The following RARS2 variants were observed in gnomAD, a reference collection of about 807,000 sequenced individuals.
RARS2 encodes the protein probable arginine--tRNA ligase, mitochondrial.
RARS2 carries 67 observed loss-of-function variants against 88.5 expected under a neutral mutation model. That is an observed-to-expected ratio of 0.76 (90% CI 0.62 to 0.93). The LOEUF is 0.93. Among genes scored for constraint, RARS2 ranks in the 40% least tolerant of loss-of-function variants. The pLI, the probability that RARS2 is intolerant of heterozygous loss-of-function variation, is 0.00. For missense variants in RARS2, 664 were observed against 684.2 expected, an observed-to-expected ratio of 0.97 and a Z score of 0.33; for synonymous variants, 239 against 230.3, an observed-to-expected ratio of 1.04 and a Z score of -0.34.
chr6:87,567,853 C>T (rs889239803), intron 2 of RARS2, among the ~76,000 whole-genome samples: 1 of 152,176 alleles, frequency 6.6e-6, no homozygotes, highest in Admixed American at 6.5e-5. Flanking sequence ...CTCACTCTAA[C>T]CTCCGCCTCC....
At chr6:87,516,005 TTAAG>T (rs994230376) in intron 18 of RARS2, 3 of 151,006 alleles carry the variant, frequency 2.0e-5, no homozygotes, top group Non-Finnish European at 4.4e-5. Flanking sequence ...TCTGTATGTC[TTAAG>T]TGTCATTTAA....
intron 1 of RARS2, among the ~76,000 whole-genome samples, chr6:87,579,408 G>T (rs1408419771): frequency 3.3e-5 from 5 of 152,136 alleles, no homozygotes; most frequent in Non-Finnish European, 5.9e-5. Flanking sequence ...TTCGGTAGTG[G>T]TTATCAAGCT....
At chr6:87,521,593 A>C in intron 11 of RARS2, 69 bp from the exon 12 acceptor site, 1 of 1,166,600 alleles carries the variant, frequency 8.6e-7, no homozygotes, top group East Asian at 2.3e-5. Flanking sequence ...TTACCTATTT[A>C]ATAGCAATGA....
intron 1 of RARS2, among the ~76,000 whole-genome samples, chr6:87,588,925 G>C (rs1776070740): frequency 6.6e-6 from 1 of 152,114 alleles, no homozygotes; most frequent in African/African-American, 2.4e-5. Context: ...CCTTATCCCA[G>C]TGAGCAATAA....
At chr6:87,566,536 A>G (rs1295022547) in intron 2 of RARS2, among the ~76,000 whole-genome samples, 1 of 152,190 alleles carries the variant, frequency 6.6e-6, no homozygotes, top group Non-Finnish European at 1.5e-5. Flanking sequence ...AAAGCAGTAG[A>G]TATCAAAATA....
At chr6:87,555,717 T>C (rs978975028) in intron 4 of RARS2, among the ~76,000 whole-genome samples, 1 of 152,232 alleles carries the variant, frequency 6.6e-6, no homozygotes, top group African/African-American at 2.4e-5. Flanking sequence ...AAGGGTTCTG[T>C]GCCCTTTTAT....
intron 8 of RARS2, among the ~76,000 whole-genome samples, chr6:87,532,490 G>C (rs1215062025): frequency 1.3e-5 from 2 of 152,176 alleles, no homozygotes; most frequent in Non-Finnish European, 2.9e-5. Flanking sequence ...AAAAACCTTG[G>C]ACACAGGGTA....
In RARS2 at chr6:87,519,684, A is replaced by G; in HGVS notation, c.1136T>C (p.Val379Ala). 1.2e-6 allele frequency: 2 copies of G among 1,613,804 alleles called. No individual in the cohort carries two copies. Among genetic ancestry groups the G allele is most frequent in the Non-Finnish European group, 1.7e-6 (2 of 1,179,798 alleles). The change falls in exon 14 of 20, where the codon GTA becomes GCA. Residue 379 changes from valine to alanine, a missense_variant. Coordinates refer to ENST00000369536, the MANE Select transcript of RARS2 (RefSeq NM_020320.5). The part of the protein sequence containing the change: ...AERCQHVPFG[V>A]VQGMKTRRGD... The stretch of plus-strand genomic sequence containing the variant: ...TCTTCGAGTCTTCATTCCCTGTACT[A>G]CTCCAAAGGGCACGTGCTGGCACCT...
At chr6:87,581,720 G>A (rs1400584361) in intron 1 of RARS2, among the ~76,000 whole-genome samples, 1 of 152,136 alleles carries the variant, frequency 6.6e-6, no homozygotes, top group African/African-American at 2.4e-5. Flanking sequence ...AGCACCACAA[G>A]CATTAGCTAT....
intron 7 of RARS2, among the ~76,000 whole-genome samples, chr6:87,544,202 T>C (rs13197090): frequency 0.064 from 9,697 of 152,286 alleles, 390 homozygotes; most frequent in African/African-American, 0.12. Context: ...AAATCAGTGC[T>C]ATCTATTAAG....
At chr6:87,539,058 G>GAATA (rs71018032) in intron 8 of RARS2, among the ~76,000 whole-genome samples, 19 of 150,556 alleles carry the variant, frequency 1.3e-4, no homozygotes, top group East Asian at 9.7e-4. Flanking sequence ...ATAAATAAAT[G>GAATA]AATAAATAAA....
At chr6:87,586,180 T>C (rs1254377061) in intron 1 of RARS2, among the ~76,000 whole-genome samples, 1 of 152,128 alleles carries the variant, frequency 6.6e-6, no homozygotes, top group African/African-American at 2.4e-5. Flanking sequence ...GCAGTCAATA[T>C]AGGTGATAAT....
chr6:87,516,887 G>T lies in RARS2; in HGVS notation c.1512-7C>A, dbSNP rs199515630. The T allele has an allele frequency of 6.2e-7, 1 of 1,613,528 alleles. No individual in the cohort carries two copies. Among genetic ancestry groups the T allele is most frequent in the Non-Finnish European group, 8.5e-7 (1 of 1,179,682 alleles). On this transcript the variant is annotated splice_region_variant and splice_polypyrimidine_tract_variant and intron_variant, in intron 17 of 19. Transcript: ENST00000369536. ...ATAAAGCACCTCGTCGAACCTAAAA[G>T]ATGACAGGAACAGTGAACAGGAAAA...
At chr6:87,564,269 C>G (rs773822185) in intron 2 of RARS2, 37 bp from the exon 3 acceptor site, 2 of 1,422,526 alleles carry the variant, frequency 1.4e-6, no homozygotes, top group African/African-American at 2.8e-5. Flanking sequence ...GAACTGTTAC[C>G]TTAAAAGCAT....
chr6:87,557,123 C>G (rs905719501), intron 4 of RARS2, among the ~76,000 whole-genome samples: 7 of 152,106 alleles, frequency 4.6e-5, no homozygotes, highest in Non-Finnish European at 4.4e-5. Context: ...CCAAGTGCTC[C>G]TACAGTACCC....
In RARS2 at chr6:87,514,514, A is replaced by G. The variant is rs1770888686; in HGVS notation, c.1651-15T>C. 2 of 1,585,476 alleles carry G rather than the reference A, an allele frequency of 1.3e-6. No homozygotes were observed. The highest frequency in any genetic ancestry group is 1.3e-5 in the African/African-American group (1 of 74,234). ...TGAAGTCTGGCCTACAAAATAAATC[A>G]AAGAATGATTTAAAATATTCAGTAA... On this transcript the variant is annotated splice_polypyrimidine_tract_variant and intron_variant, in intron 19 of 19. Transcript: ENST00000369536.
chr6:87,514,374 A>T lies in RARS2; in HGVS notation c.*39T>A. Reference sequence around the variant, plus strand: ...GCAAGGCATCTCAGAATAGATAACTAGAATTCACTTGACATTTTAAAAGCC... The same window carrying T: ...GCAAGGCATCTCAGAATAGATAACTTGAATTCACTTGACATTTTAAAAGCC... On this transcript the variant is annotated 3_prime_UTR_variant, in exon 20 of 20. Coordinates refer to ENST00000369536, the MANE Select transcript of RARS2 (RefSeq NM_020320.5). The T allele has an allele frequency of 7.1e-7, 1 of 1,400,398 alleles. No individual in the cohort carries two copies. Among genetic ancestry groups the T allele is most frequent in the Non-Finnish European group, 1.0e-6 (1 of 985,928 alleles). The allele number at this position is 1,400,398 out of a possible 1,614,324, so 86.7% of individuals were successfully genotyped here. A position where few individuals can be genotyped will look rare whatever the true frequency, so the allele number is the denominator to read the frequency against.
intron 4 of RARS2, among the ~76,000 whole-genome samples, chr6:87,556,423 A>G (rs980172247): frequency 6.6e-6 from 1 of 151,956 alleles, no homozygotes; most frequent in Non-Finnish European, 1.5e-5. Context: ...TACCTAAGCA[A>G]TCCTACCACC....
At chr6:87,554,343 G>C (rs1239156002) in intron 5 of RARS2, among the ~76,000 whole-genome samples, 1 of 152,132 alleles carries the variant, frequency 6.6e-6, no homozygotes, top group Non-Finnish European at 1.5e-5. Flanking sequence ...CAGCACGTTA[G>C]AAAGTTATGA....
Sources: gnomAD v4.1 joint callset for allele counts (sites outside exome capture counted in the v4.1 genomes callset) on GRCh38, gnomAD v4.1.1 for gene constraint, MANE v1.5 for transcripts, NCBI Gene and HGNC (gene_info 2026-07-23, HGNC 2026-07-21) for gene names.